The following KCNH7 variants were observed in gnomAD, a reference collection of about 807,000 sequenced individuals.
The protein encoded by KCNH7 is voltage-gated inwardly rectifying potassium channel KCNH7.
KCNH7 carries 49 observed loss-of-function variants against 120.8 expected under a neutral mutation model. The ratio of observed to expected loss-of-function variants is 0.41; its 90% CI spans 0.32 to 0.51. The LOEUF (loss-of-function observed/expected upper bound fraction) is 0.51. Among genes scored for constraint, KCNH7 ranks in the 20% least tolerant of loss-of-function variants. KCNH7 has a pLI of 0.38. For synonymous variants in KCNH7, 547 were observed against 516.1 expected (o/e 1.06, Z -0.81); for missense variants, 1,097 against 1,446.6 (o/e 0.76, Z 3.92).
chr2:162,752,873 C>T (rs1194313050), intron 2 of KCNH7, among the ~76,000 whole-genome samples: 2 of 131,312 alleles, frequency 1.5e-5, no homozygotes, highest in African/African-American at 5.3e-5. Context: ...TGCACTCCAG[C>T]CTGGGCAAAA....
chr2:162,552,152 C>A (rs1361434398), intron 2 of KCNH7, among the ~76,000 whole-genome samples: 1 of 152,152 alleles, frequency 6.6e-6, no homozygotes, highest in African/African-American at 2.4e-5. Context: ...CAATCATTGT[C>A]CCAATTTTAC....
intron 2 of KCNH7, among the ~76,000 whole-genome samples, chr2:162,630,362 T>C (rs1283111549): frequency 1.3e-5 from 2 of 151,850 alleles, no homozygotes; most frequent in East Asian, 3.9e-4. Context: ...GATGAGATTA[T>C]CTAGGAAAAG....
intron 7 of KCNH7, among the ~76,000 whole-genome samples, chr2:162,441,676 A>G (rs1251505842): frequency 2.0e-5 from 3 of 152,194 alleles, no homozygotes; most frequent in Non-Finnish European, 4.4e-5. Flanking sequence ...ATACCGGAAA[A>G]TATGAGGCGG....
chr2:162,644,021 T>A (rs926765102), intron 2 of KCNH7, among the ~76,000 whole-genome samples: 1 of 152,070 alleles, frequency 6.6e-6, no homozygotes, highest in Non-Finnish European at 1.5e-5. Context: ...ACCACCATAC[T>A]GCTCTTTTCC....
chr2:162,706,566 T>G (rs1264417309), intron 2 of KCNH7, among the ~76,000 whole-genome samples: 2 of 151,988 alleles, frequency 1.3e-5, no homozygotes, highest in African/African-American at 2.4e-5. Flanking sequence ...TAAAACAATG[T>G]TTTTACTCTT....
intron 2 of KCNH7, among the ~76,000 whole-genome samples, chr2:162,695,513 C>T (rs1686259918): frequency 6.6e-6 from 1 of 152,052 alleles, no homozygotes; most frequent in South Asian, 2.1e-4. Context: ...AGCCATAGGC[C>T]CATGGATATT....
chr2:162,575,466 C>A (rs961300578), intron 2 of KCNH7, among the ~76,000 whole-genome samples: 1 of 152,046 alleles, frequency 6.6e-6, no homozygotes, highest in East Asian at 1.9e-4. Flanking sequence ...CACCTGCCTG[C>A]CGCAATTCCT....
At chr2:162,574,157 T>A (rs11898057) in intron 2 of KCNH7, among the ~76,000 whole-genome samples, 86,078 of 151,778 alleles carry the variant, frequency 0.57, 25,037 homozygotes, top group Admixed American at 0.68. Flanking sequence ...TCTCTAAGGC[T>A]TGGATGTTTA....
At chr2:162,552,996 G>A (rs963535629) in intron 2 of KCNH7, among the ~76,000 whole-genome samples, 4 of 152,150 alleles carry the variant, frequency 2.6e-5, no homozygotes, top group Admixed American at 6.5e-5. Flanking sequence ...GGTAAATGGC[G>A]TTGTTTAAAG....
chr2:162,595,117 T>C (rs1694336216), intron 2 of KCNH7, among the ~76,000 whole-genome samples: 1 of 152,044 alleles, frequency 6.6e-6, no homozygotes, highest in Admixed American at 6.6e-5. Context: ...GAGAGGTTTA[T>C]TTGATTCATA....
intron 6 of KCNH7, among the ~76,000 whole-genome samples, chr2:162,466,155 T>C (rs1689297406): frequency 6.6e-6 from 1 of 152,046 alleles, no homozygotes; most frequent in Non-Finnish European, 1.5e-5. Flanking sequence ...CTAGCTAGAG[T>C]CTAAAAATGG....
intron 2 of KCNH7, among the ~76,000 whole-genome samples, chr2:162,724,977 G>C (rs978653032): frequency 1.3e-5 from 2 of 152,140 alleles, no homozygotes; most frequent in African/African-American, 2.4e-5. Flanking sequence ...AATGTCTTCT[G>C]AAAAGCTAAG....
chr2:162,393,065 A>C (rs894615777), intron 12 of KCNH7, among the ~76,000 whole-genome samples: 1 of 151,952 alleles, frequency 6.6e-6, no homozygotes, highest in East Asian at 1.9e-4. Context: ...CCTAATTTGA[A>C]GACTAAATGG....
chr2:162,806,406 C>G (rs1684540768), intron 2 of KCNH7, among the ~76,000 whole-genome samples: 1 of 152,108 alleles, frequency 6.6e-6, no homozygotes, highest in South Asian at 2.1e-4. Context: ...ACTATGTGCT[C>G]TGTTCTGTTA....
intron 2 of KCNH7, among the ~76,000 whole-genome samples, chr2:162,727,463 C>T (rs1687572172): frequency 6.6e-6 from 1 of 152,084 alleles, no homozygotes; most frequent in African/African-American, 2.4e-5. Context: ...ATTTCCCTTA[C>T]ATCTTTTTGT....
intron 12 of KCNH7, among the ~76,000 whole-genome samples, chr2:162,393,091 A>G (rs901491272): frequency 1.3e-5 from 2 of 151,974 alleles, no homozygotes; most frequent in African/African-American, 4.8e-5. Flanking sequence ...TATTGGAGGT[A>G]GCAATAATAG....
chr2:162,723,991 C>T lies in KCNH7; in HGVS notation c.307+112546G>A, dbSNP rs79830078. ...AGTTAGAATGAAAAGTTTTCTAATA[C>T]CTGCAGTTTATGTTGTGAATTTGGA... On this transcript the variant is annotated intron_variant, in intron 2 of 15. Transcript: ENST00000332142. Among the ~76,000 whole-genome samples the T allele has an allele frequency of 6.0e-3, 912 of 152,218 alleles. 12 individuals are homozygous for T. Among genetic ancestry groups the T allele is most frequent in the African/African-American group, 0.021 (857 of 41,544 alleles).
chr2:162,383,170 A>T (rs1686474083), intron 13 of KCNH7, among the ~76,000 whole-genome samples: 1 of 151,894 alleles, frequency 6.6e-6, no homozygotes, highest in Non-Finnish European at 1.5e-5. Flanking sequence ...AGACTCTAAA[A>T]CTCAAGGGGA....
rs1691364692 is a variant in KCNH7, at chr2:162,517,877, G to A, written c.745C>T (p.Pro249Ser). 5 of 1,612,326 alleles carry A rather than the reference G, an allele frequency of 3.1e-6. No individual in the cohort carries two copies. The highest frequency in any genetic ancestry group is 4.2e-6 in the Non-Finnish European group (5 of 1,178,912). ...TGGGAACTTGACTGCAGCATGTCAG[G>A]GTAGAGTCGGTCCCATTGCCTTTTG... ...SPKRQWDRLY[P>S]DMLQSSSQLS... Residue 249 changes from proline to serine, a missense_variant, in exon 4 of 16, where the codon CCT becomes TCT. Transcript: ENST00000332142.
Sources: allele counts gnomAD v4.1 joint callset (sites outside exome capture counted in the v4.1 genomes callset), GRCh38; gene constraint gnomAD v4.1.1; transcripts MANE v1.5; gene names NCBI Gene and HGNC (gene_info 2026-07-23, HGNC 2026-07-21).